ENOX1: variants seen among roughly 807,000 people sequenced by gnomAD.
The protein encoded by ENOX1 is candidate growth-related and time keeping constitutive hydroquinone (NADH) oxidase.
Under a neutral mutation model 82.5 loss-of-function variants are expected in ENOX1, and 42 were observed. The ratio of observed to expected loss-of-function variants is 0.51; its 90% CI spans 0.40 to 0.66. ENOX1 has a LOEUF of 0.66. Ranked by LOEUF, ENOX1 falls within the 30% of genes least tolerant of loss-of-function variation. ENOX1 has a pLI of 0.00. For synonymous variants in ENOX1, 271 were observed against 282.2 expected, an observed-to-expected ratio of 0.96 and a Z score of 0.40; for missense variants, 608 against 811.6, an observed-to-expected ratio of 0.75 and a Z score of 3.05.
At chr13:43,436,452 C>T (rs2056034355) in intron 3 of ENOX1, among the ~76,000 whole-genome samples, 1 of 152,038 alleles carries the variant, frequency 6.6e-6, no homozygotes, top group African/African-American at 2.4e-5. Context: ...AACCAAGAGA[C>T]CAAAAACAAT....
intron 2 of ENOX1, among the ~76,000 whole-genome samples, chr13:43,615,104 A>G (rs1289004723): frequency 6.6e-6 from 1 of 152,244 alleles, no homozygotes. Context: ...CATTCATTAA[A>G]TACTGAATAA....
chr13:43,706,475 C>T (rs533004166), intron 1 of ENOX1, among the ~76,000 whole-genome samples: 1 of 151,976 alleles, frequency 6.6e-6, no homozygotes, highest in East Asian at 1.9e-4. Flanking sequence ...ACCAATATCA[C>T]TCAGAAAGAT....
At chr13:43,304,656 G>A (rs2046764770) in intron 11 of ENOX1, among the ~76,000 whole-genome samples, 1 of 152,162 alleles carries the variant, frequency 6.6e-6, no homozygotes, top group South Asian at 2.1e-4. Flanking sequence ...CAAACTTGGG[G>A]ATGATTTATG....
chr13:43,705,195 AAAATT>A (rs2087173389), intron 1 of ENOX1, among the ~76,000 whole-genome samples: 1 of 151,778 alleles, frequency 6.6e-6, no homozygotes, highest in African/African-American at 2.4e-5. Flanking sequence ...ACAAATATCA[AAAATT>A]AAATTAAATA....
At chr13:43,450,501 G>A (rs569306645) in intron 3 of ENOX1, among the ~76,000 whole-genome samples, 2 of 152,102 alleles carry the variant, frequency 1.3e-5, no homozygotes, top group African/African-American at 4.8e-5. Flanking sequence ...GAGGCACCAG[G>A]GTCAGTAGGA....
At chr13:43,355,851 G>C (rs2050113932) in intron 8 of ENOX1, 68 bp downstream of exon 8, 1 of 1,463,672 alleles carries the variant, frequency 6.8e-7, no homozygotes, top group Admixed American at 1.8e-5. Flanking sequence ...GGACGCAGGA[G>C]AAACGCACAG....
At chr13:43,358,800 C>T (rs1307086425) in intron 7 of ENOX1, among the ~76,000 whole-genome samples, 1 of 152,220 alleles carries the variant, frequency 6.6e-6, no homozygotes, top group Non-Finnish European at 1.5e-5. Context: ...CGTTGTCTAA[C>T]AGCGGATTGT....
chr13:43,392,486 C>T (rs2052848812), intron 5 of ENOX1, among the ~76,000 whole-genome samples: 1 of 152,246 alleles, frequency 6.6e-6, no homozygotes, highest in African/African-American at 2.4e-5. Flanking sequence ...CAAGACCAGC[C>T]TGGCCAATGT....
intron 12 of ENOX1, among the ~76,000 whole-genome samples, chr13:43,298,095 C>A (rs1469044037): frequency 2.0e-5 from 3 of 152,210 alleles, no homozygotes; most frequent in African/African-American, 7.2e-5. Flanking sequence ...CTTTCAATCT[C>A]CTAAATCCAA....
chr13:43,356,098 T>G lies in ENOX1; in HGVS notation c.644A>C (p.His215Pro). The G allele has an allele frequency of 6.2e-7, 1 of 1,614,186 alleles. No individual in the cohort carries two copies. Among genetic ancestry groups the G allele is most frequent in the Non-Finnish European group, 8.5e-7 (1 of 1,180,026 alleles). Residue 215 changes from histidine (H) to proline (P), a missense_variant, in exon 8 of 17, where the codon CAT (histidine) becomes CCT (proline). By Grantham distance (77) the His-to-Pro change is moderately conservative. Transcript: ENST00000690772. ...ATCCCTGGCCTGGGCAAAGTCCACATGAAGGCGGCCTGAATCCTTTTTGTC... is the reference window on the plus strand; with the variant it reads ...ATCCCTGGCCTGGGCAAAGTCCACAGGAAGGCGGCCTGAATCCTTTTTGTC... ...STDKKDSGRLHVDFAQARDDF... is the reference protein window; with the variant it reads ...STDKKDSGRLPVDFAQARDDF...
At chr13:43,726,153 A>G (rs2088936872) in intron 1 of ENOX1, among the ~76,000 whole-genome samples, 2 of 152,058 alleles carry the variant, frequency 1.3e-5, no homozygotes, top group African/African-American at 4.8e-5. Context: ...ACAATAAAGA[A>G]TACACCAAAA....
intron 12 of ENOX1, among the ~76,000 whole-genome samples, chr13:43,275,405 A>G (rs1484963439): frequency 1.3e-5 from 2 of 152,208 alleles, no homozygotes; most frequent in Admixed American, 6.5e-5. Context: ...ATCTTGTTGT[A>G]AGCTGAAATT....
intron 14 of ENOX1, among the ~76,000 whole-genome samples, chr13:43,264,927 C>T (rs1206364748): frequency 6.6e-6 from 1 of 152,182 alleles, no homozygotes; most frequent in Admixed American, 6.5e-5. Context: ...TGCTACTGTT[C>T]TGGGTGAGGA....
At chr13:43,712,400 T>C (rs1273491312) in intron 1 of ENOX1, among the ~76,000 whole-genome samples, 2 of 152,120 alleles carry the variant, frequency 1.3e-5, no homozygotes, top group East Asian at 1.9e-4. Context: ...GACTTGGCGA[T>C]GTGGGCTCTT....
rs1594386817 is a variant in ENOX1 at position 43,407,054 on chromosome 13, C to T, written c.208+4862G>A. 2.0e-5 allele frequency among the ~76,000 whole-genome samples: 3 copies of T among 152,314 alleles called. No homozygotes were observed. In the South Asian group the frequency reaches 6.2e-4, roughly 32 times the overall value. ...GGTACTCAGCTCCTGCTTTTCAGCT[C>T]TCCTTCCAGTTGATGATTATAACTT... On this transcript the variant is annotated intron_variant, in intron 5 of 16. Coordinates refer to ENST00000690772, the MANE Select transcript of ENOX1 (RefSeq NM_001347969.2).
chr13:43,594,966 G>A (rs191128866), intron 2 of ENOX1, among the ~76,000 whole-genome samples: 5 of 152,014 alleles, frequency 3.3e-5, no homozygotes, highest in African/African-American at 9.6e-5. Flanking sequence ...CCATGTCTAA[G>A]CATGCGCTAA....
intron 14 of ENOX1, among the ~76,000 whole-genome samples, chr13:43,257,752 A>G (rs2043831909): frequency 6.6e-6 from 1 of 152,214 alleles, no homozygotes; most frequent in Non-Finnish European, 1.5e-5. Flanking sequence ...ATTCAAAACA[A>G]TTGCTTTTGC....
chr13:43,476,359 A>G (rs1305006377), intron 3 of ENOX1, among the ~76,000 whole-genome samples: 1 of 152,158 alleles, frequency 6.6e-6, no homozygotes, highest in Admixed American at 6.6e-5. Flanking sequence ...TGGAACCTTT[A>G]ACAACATACT....
At chr13:43,744,665 C>G (rs551313317) in intron 1 of ENOX1, among the ~76,000 whole-genome samples, 1 of 152,298 alleles carries the variant, frequency 6.6e-6, no homozygotes, top group African/African-American at 2.4e-5. Flanking sequence ...TTTAATATTT[C>G]CTCAGTGTAC....
Sources: allele counts gnomAD v4.1 joint callset (sites outside exome capture counted in the v4.1 genomes callset), GRCh38; gene constraint gnomAD v4.1.1; transcripts MANE v1.5; gene names NCBI Gene and HGNC (gene_info 2026-07-23, HGNC 2026-07-21).